THSD4: variants seen among roughly 807,000 people sequenced by gnomAD.
THSD4 encodes thrombospondin type-1 domain-containing protein 4.
THSD4 carries 69 observed loss-of-function variants against 119.0 expected under a neutral mutation model. The observed-to-expected ratio is 0.58, with a 90% CI of 0.48 to 0.71. The LOEUF is 0.71. Among genes scored for constraint, THSD4 ranks in the 30% least tolerant of loss-of-function variants. The pLI, the probability that THSD4 is intolerant of heterozygous loss-of-function variation, is 0.00. For missense variants in THSD4, 1,393 were observed against 1,391.1 expected, an observed-to-expected ratio of 1.00 and a Z score of -0.02; for synonymous variants, 524 against 540.4, an observed-to-expected ratio of 0.97 and a Z score of 0.42.
chr15:71,515,581 T>C (rs1408371941), intron 7 of THSD4, among the ~76,000 whole-genome samples: 1 of 152,222 alleles, frequency 6.6e-6, no homozygotes, highest in Non-Finnish European at 1.5e-5. Flanking sequence ...TCTTTAGTTA[T>C]GACATTCAAT....
chr15:71,688,766 G>C (rs931388078), intron 8 of THSD4, among the ~76,000 whole-genome samples: 1 of 150,146 alleles, frequency 6.7e-6, no homozygotes, highest in Non-Finnish European at 1.5e-5. Context: ...AGAGAGAGAA[G>C]AGAGAGAGGT....
chr15:71,496,020 A>C (rs1219626135), intron 7 of THSD4, among the ~76,000 whole-genome samples: 1 of 152,186 alleles, frequency 6.6e-6, no homozygotes, highest in Non-Finnish European at 1.5e-5. Flanking sequence ...CAGCATAGGC[A>C]CTCATCTGCC....
chr15:71,762,585 C>T (rs1177355416), intron 15 of THSD4, among the ~76,000 whole-genome samples: 1 of 152,198 alleles, frequency 6.6e-6, no homozygotes, highest in African/African-American at 2.4e-5. Flanking sequence ...CCCCTGCCGC[C>T]CACCCCTGCC....
chr15:71,305,452 T>C (rs1731922931), intron 6 of THSD4, among the ~76,000 whole-genome samples: 1 of 152,132 alleles, frequency 6.6e-6, no homozygotes, highest in Admixed American at 6.5e-5. Context: ...GGAGGGAGGA[T>C]GGAGTTCATA....
At chr15:71,200,641 G>A (rs1485890756) in intron 3 of THSD4, among the ~76,000 whole-genome samples, 1 of 152,166 alleles carries the variant, frequency 6.6e-6, no homozygotes, top group African/African-American at 2.4e-5. Flanking sequence ...TTTTATACTT[G>A]CAGTAACCAA....
intron 7 of THSD4, among the ~76,000 whole-genome samples, chr15:71,491,444 C>G (rs79659099): frequency 0.042 from 6,407 of 152,282 alleles, 222 homozygotes; most frequent in African/African-American, 0.099. Context: ...GAGACCTAAG[C>G]TAGCACGCTC....
intron 1 of THSD4, among the ~76,000 whole-genome samples, chr15:71,135,229 A>C (rs7166744): frequency 1.1e-4 from 4 of 38,048 alleles, no homozygotes; most frequent in East Asian, 9.4e-4. Context: ...GGGTGGGGGT[A>C]GGGGGGAGGG....
intron 4 of THSD4, among the ~76,000 whole-genome samples, chr15:71,229,811 A>G (rs867370788): frequency 6.6e-6 from 1 of 152,214 alleles, no homozygotes; most frequent in Non-Finnish European, 1.5e-5. Context: ...GCCTCTTCTT[A>G]TTATCATGAT....
intron 4 of THSD4, among the ~76,000 whole-genome samples, chr15:71,234,915 G>T (rs1400595422): frequency 6.6e-6 from 1 of 152,090 alleles, no homozygotes; most frequent in Non-Finnish European, 1.5e-5. Context: ...AGCTCCCCAG[G>T]GCTGCACTGA....
At chr15:71,719,379 G>T (rs551476886) in intron 8 of THSD4, among the ~76,000 whole-genome samples, 2 of 152,174 alleles carry the variant, frequency 1.3e-5, no homozygotes, top group African/African-American at 4.8e-5. Flanking sequence ...TGATATCTGC[G>T]TATATTTGTT....
chr15:71,706,577 A>T (rs872474), intron 8 of THSD4, among the ~76,000 whole-genome samples: 41,278 of 151,974 alleles, frequency 0.27, 6,256 homozygotes, highest in African/African-American at 0.39. Context: ...GCCACCTTCT[A>T]AAGACTGTAG....
chr15:71,142,611 C>T (rs1247582591), intron 2 of THSD4, among the ~76,000 whole-genome samples: 2 of 152,016 alleles, frequency 1.3e-5, no homozygotes, highest in Non-Finnish European at 2.9e-5. Context: ...AAATATCTGC[C>T]CAAGCATCTA....
intron 8 of THSD4, among the ~76,000 whole-genome samples, chr15:71,711,858 G>A (rs968440603): frequency 3.3e-5 from 5 of 152,070 alleles, no homozygotes; most frequent in African/African-American, 9.7e-5. Flanking sequence ...AAACATAACA[G>A]CCATAAAGGT....
intron 8 of THSD4, among the ~76,000 whole-genome samples, chr15:71,699,512 C>A (rs565884501): frequency 6.6e-6 from 1 of 152,300 alleles, no homozygotes; most frequent in African/African-American, 2.4e-5. Flanking sequence ...TGTTTCTCTG[C>A]ATTAGACATT....
chr15:71,103,911 G>T (rs1307005116), intron 1 of THSD4, among the ~76,000 whole-genome samples: 1 of 152,098 alleles, frequency 6.6e-6, no homozygotes, highest in African/African-American at 2.4e-5. Flanking sequence ...CAGCTTTATG[G>T]CTGCCTTTTA....
intron 17 of THSD4, among the ~76,000 whole-genome samples, chr15:71,775,023 G>A (rs2053889042): frequency 6.6e-6 from 1 of 152,038 alleles, no homozygotes; most frequent in Non-Finnish European, 1.5e-5. Context: ...GCACGTGCAT[G>A]TAGTCCCAGC....
In THSD4 at chr15:71,321,720, G is replaced by A. The variant is rs966288448; in HGVS notation, c.1015+65005G>A. ...TGAATGTGAGAGTGCTGAAATAAAT[G>A]TAATTGCATTCTTAAAATGCTGTAA... On this transcript the variant is annotated intron_variant, in intron 6 of 17. Coordinates refer to ENST00000261862, the MANE Select transcript of THSD4 (RefSeq NM_024817.3). Among the ~76,000 whole-genome samples, 15 of 152,074 alleles carry A rather than the reference G, an allele frequency of 9.9e-5. No individual in the cohort carries two copies. In the East Asian group the frequency reaches 1.9e-3, roughly 20 times the overall value.
intron 3 of THSD4, among the ~76,000 whole-genome samples, chr15:71,172,346 C>G (rs565682581): frequency 1.3e-5 from 2 of 151,816 alleles, no homozygotes; most frequent in South Asian, 4.2e-4. Flanking sequence ...ATTATAAATT[C>G]AAATAAATGG....
At chr15:71,233,460 GT>G (rs1476173148) in intron 4 of THSD4, among the ~76,000 whole-genome samples, 1 of 151,984 alleles carries the variant, frequency 6.6e-6, no homozygotes, top group Non-Finnish European at 1.5e-5. Flanking sequence ...TTCATATACT[GT>G]ATACATTTTT....
Sources: allele counts gnomAD v4.1 joint callset (sites outside exome capture counted in the v4.1 genomes callset), GRCh38; gene constraint gnomAD v4.1.1; transcripts MANE v1.5; gene names NCBI Gene and HGNC (gene_info 2026-07-23, HGNC 2026-07-21).